CD1B: variants seen among roughly 807,000 people sequenced by gnomAD.
CD1B encodes T-cell surface glycoprotein CD1b.
CD1B carries 43 observed loss-of-function variants against 39.8 expected under a neutral mutation model. That is an observed-to-expected ratio of 1.08 (90% CI 0.85 to 1.39). The LOEUF (loss-of-function observed/expected upper bound fraction) is 1.39, where lower values mean the gene tolerates loss of function less well. Among genes scored for constraint, CD1B ranks in the 40% most tolerant of loss-of-function variants. The pLI is 0.00. For synonymous variants in CD1B, 192 were observed against 152.5 expected, an observed-to-expected ratio of 1.26 and a Z score of -1.91; for missense variants, 495 against 403.8, an observed-to-expected ratio of 1.23 and a Z score of -1.94.
chr1:158,318,459 G>A, the CD1B span, among the ~76,000 whole-genome samples: 16 of 151,950 alleles, frequency 1.1e-4, no homozygotes, highest in African/African-American at 3.1e-4. Flanking sequence ...GTTTAAAGTC[G>A]GTTTTATCAG....
chr1:158,315,860 T>G, the CD1B span, among the ~76,000 whole-genome samples: 5 of 152,110 alleles, frequency 3.3e-5, no homozygotes, highest in African/African-American at 9.7e-5. Flanking sequence ...GGATCCAGTT[T>G]CAGCTTTCTA....
chr1:158,294,709 C>G, the CD1B span, among the ~76,000 whole-genome samples: 1 of 152,184 alleles, frequency 6.6e-6, no homozygotes, highest in Non-Finnish European at 1.5e-5. Flanking sequence ...TACTTTATGT[C>G]ACTTAAGCTT....
At chr1:158,296,184 G>A in the CD1B span, among the ~76,000 whole-genome samples, 1 of 139,128 alleles carries the variant, frequency 7.2e-6, no homozygotes, top group African/African-American at 3.0e-5. Context: ...CCCCCACCCT[G>A]CCCACCATAG....
the CD1B span, chr1:158,293,097 A>G: frequency 1.0e-6 from 1 of 958,662 alleles, no homozygotes; most frequent in Non-Finnish European, 1.6e-6. Context: ...AGTGACTGAA[A>G]TAGGATAACT....
chr1:158,306,018 A>G, the CD1B span, among the ~76,000 whole-genome samples: 6 of 152,236 alleles, frequency 3.9e-5, no homozygotes, highest in Non-Finnish European at 8.8e-5. Context: ...AAGAAACTGC[A>G]TCAACTAATG....
downstream of CD1B, among the ~76,000 whole-genome samples, chr1:158,327,514 G>T (rs1652398021): frequency 1.3e-5 from 2 of 152,154 alleles, no homozygotes; most frequent in Non-Finnish European, 2.9e-5. Flanking sequence ...GAAAGTAGAT[G>T]ACTCTGAAAG....
chr1:158,330,188 G>T lies in CD1B; in HGVS notation c.329-58C>A, dbSNP rs115650728. On this transcript the variant is annotated intron_variant, in intron 2 of 5. Coordinates refer to ENST00000368168, the MANE Select transcript of CD1B (RefSeq NM_001764.3). ...ACACAAATAAGAAAAAAAGGCATGAGAAAAGAACCTAGGATTTTAGATTTT... is the reference window on the plus strand; with the variant it reads ...ACACAAATAAGAAAAAAAGGCATGATAAAAGAACCTAGGATTTTAGATTTT... 3 of 1,482,772 alleles carry T rather than the reference G, an allele frequency of 2.0e-6. No homozygotes were observed. In the African/African-American group the frequency reaches 4.2e-5, roughly 21 times the overall value. 91.9% of individuals were successfully genotyped at this position (1,482,772 alleles called of 1,614,324 possible). A position where few individuals can be genotyped will look rare whatever the true frequency, so the allele number is the denominator to read the frequency against.
chr1:158,306,899 C>T, the CD1B span, among the ~76,000 whole-genome samples: 2 of 152,062 alleles, frequency 1.3e-5, no homozygotes, highest in South Asian at 2.1e-4. Context: ...AAAGACACAA[C>T]ATACCAGAAT....
chr1:158,323,409 T>C (rs2101704636), downstream of CD1B, among the ~76,000 whole-genome samples: 1 of 152,310 alleles, frequency 6.6e-6, no homozygotes, highest in Admixed American at 6.5e-5. Flanking sequence ...TGTGTTTTAC[T>C]GAAATTCACT....
chr1:158,329,891 C>T lies in CD1B; in HGVS notation c.568G>A (p.Gly190Ser), dbSNP rs375243665. Residue 190 changes from glycine (G) to serine (S), a missense_variant, in exon 3 of 6, where the codon GGC becomes AGC. By Grantham distance (56) the Gly-to-Ser change is moderately conservative. Transcript: ENST00000368168. ...LYETCPRYLL[G>S]VLNAGKADLQ... is the part of the protein sequence containing the mutation. ...TCTGCTTTTCCTGCATTGAGGACGC[C>T]CAAGAGATATCGGGGGCAGGTTTCA... 6.2e-7 allele frequency: 1 copy of T among 1,613,898 alleles called. No homozygotes were observed. The highest frequency in any genetic ancestry group is 1.3e-5 in the African/African-American group (1 of 74,884).
chr1:158,289,012 C>T, the CD1B span, among the ~76,000 whole-genome samples: 19 of 152,074 alleles, frequency 1.2e-4, no homozygotes, highest in South Asian at 2.1e-4. Flanking sequence ...CTATCACAAT[C>T]GTATACCATT....
In CD1B at chr1:158,331,057, G is replaced by T; in HGVS notation, c.67C>A (p.Gln23Lys). 1 of 1,609,754 alleles carries T rather than the reference G, an allele frequency of 6.2e-7. No homozygotes were observed. Among genetic ancestry groups the T allele is most frequent in the Non-Finnish European group, 8.5e-7 (1 of 1,178,300 alleles). The change falls in exon 2 of 6, where the codon CAG (glutamine) becomes AAG (lysine). Residue 23 changes from glutamine to lysine, a missense_variant. By Grantham distance (53) the Gln-to-Lys change is moderately conservative. Coordinates refer to ENST00000368168, the MANE Select transcript of CD1B (RefSeq NM_001764.3). ...ATAACATGAAAGGAGGTCGGCCCCT[G>T]GAAGGCTGTGAAGAGTGGAAAAGCA... ...FPGGNSEHAF[Q>K]GPTSFHVIQT...
chr1:158,288,222 T>C, the CD1B span, among the ~76,000 whole-genome samples: 2 of 152,204 alleles, frequency 1.3e-5, no homozygotes, highest in African/African-American at 4.8e-5. Flanking sequence ...TTATAGTTCA[T>C]AGAAATTGCC....
chr1:158,291,382 A>C, the CD1B span: 2 of 1,613,852 alleles, frequency 1.2e-6, no homozygotes, highest in East Asian at 2.2e-5. Context: ...AGACCATGCA[A>C]GTCAAGATTA....
the CD1B span, among the ~76,000 whole-genome samples, chr1:158,298,888 T>C: frequency 6.6e-6 from 1 of 152,222 alleles, no homozygotes; most frequent in Admixed American, 6.5e-5. Flanking sequence ...TTTGCTGAAG[T>C]TGCTTATCAG....
At chr1:158,299,144 G>A in the CD1B span, among the ~76,000 whole-genome samples, 1 of 152,156 alleles carries the variant, frequency 6.6e-6, no homozygotes, top group African/African-American at 2.4e-5. Flanking sequence ...GATATTGGCT[G>A]TGGGTTTGTC....
intron 3 of CD1B, 37 bp downstream of exon 3, chr1:158,329,815 A>C: frequency 6.3e-7 from 1 of 1,592,612 alleles, no homozygotes; most frequent in Non-Finnish European, 8.5e-7. Context: ...TTGATCTTAG[A>C]GGAGGTGGTG....
the CD1B span, chr1:158,291,989 T>A: frequency 7.7e-7 from 1 of 1,303,280 alleles, no homozygotes; most frequent in Non-Finnish European, 1.1e-6. Flanking sequence ...CATGTAAAAC[T>A]TTCTTGCTTC....
At chr1:158,292,542 G>A in the CD1B span, 10 of 1,579,462 alleles carry the variant, frequency 6.3e-6, no homozygotes, top group Non-Finnish European at 8.6e-6. Context: ...TGTGTATGTG[G>A]ATGTAAGTTG....
Sources: allele counts gnomAD v4.1 joint callset (sites outside exome capture counted in the v4.1 genomes callset), GRCh38; gene constraint gnomAD v4.1.1; transcripts MANE v1.5; gene names NCBI Gene and HGNC (gene_info 2026-07-23, HGNC 2026-07-21).